Variants in ZFHX3 observed in about 807,000 individuals in gnomAD.
ZFHX3 encodes the protein zinc finger homeobox protein 3.
ZFHX3 carries 42 observed loss-of-function variants against 279.1 expected under a neutral mutation model. That is an observed-to-expected ratio of 0.15 (90% confidence interval 0.12 to 0.19). ZFHX3 has a LOEUF of 0.19. ZFHX3 is among the 10% of genes least tolerant of loss of function. The pLI, the probability that ZFHX3 is intolerant of heterozygous loss-of-function variation, is 1.00. For synonymous variants in ZFHX3, 2,293 were observed against 1,957.8 expected (o/e 1.17, Z -4.52); for missense variants, 4,981 against 4,754.0 (o/e 1.05, Z -1.40).
intron 3 of ZFHX3, among the ~76,000 whole-genome samples, chr16:72,930,364 C>A (rs1959718216): frequency 6.6e-6 from 1 of 151,988 alleles, no homozygotes; most frequent in African/African-American, 2.4e-5. Flanking sequence ...ACCTAAAAAT[C>A]TTTGCCAAAC....
At chr16:73,848,412 G>T (rs991522721) in intron 1 of ZFHX3, among the ~76,000 whole-genome samples, 1 of 148,698 alleles carries the variant, frequency 6.7e-6, no homozygotes, top group African/African-American at 2.6e-5. Context: ...AGCAAGAGCT[G>T]GTGAGTCCTT....
rs564499442 is a variant in ZFHX3 at position 73,332,368 on chromosome 16, A to G, written c.-1290-14032T>C. ...GATTAAATCATTTACATGACAGTGT[A>G]GGGGCCTGAGCTGCCCTTTCCTCCT... On this transcript the variant is annotated intron_variant, in intron 3 of 17. Coordinates refer to the ZFHX3 transcript ENST00000641206. Among the ~76,000 whole-genome samples, 3 of 152,322 alleles carry G rather than the reference A, an allele frequency of 2.0e-5. No homozygotes were observed. In the South Asian group the frequency reaches 6.2e-4, roughly 32 times the overall value.
intron 4 of ZFHX3, among the ~76,000 whole-genome samples, chr16:73,286,188 C>G (rs936572460): frequency 3.3e-5 from 5 of 152,126 alleles, no homozygotes; most frequent in Admixed American, 6.6e-5. Flanking sequence ...CACACACATG[C>G]CCCTCTCCCC....
intron 3 of ZFHX3, among the ~76,000 whole-genome samples, chr16:73,370,153 T>A (rs2143336877): frequency 6.6e-6 from 1 of 152,330 alleles, no homozygotes; most frequent in South Asian, 2.1e-4. Flanking sequence ...CACAGCAGCC[T>A]TTCTTTGGAA....
At chr16:72,853,314 C>G (rs529146227) in intron 4 of ZFHX3, among the ~76,000 whole-genome samples, 7 of 152,248 alleles carry the variant, frequency 4.6e-5, no homozygotes, top group South Asian at 2.1e-4. Context: ...CAAATCTTAT[C>G]AGAATTGAGC....
At chr16:73,288,306 T>C (rs1487547634) in intron 4 of ZFHX3, among the ~76,000 whole-genome samples, 4 of 151,948 alleles carry the variant, frequency 2.6e-5, no homozygotes, top group African/African-American at 9.7e-5. Context: ...AGGCTCCCAG[T>C]CCCAGACAGA....
intron 3 of ZFHX3, among the ~76,000 whole-genome samples, chr16:72,903,282 A>G (rs930083634): frequency 5.9e-5 from 9 of 152,178 alleles, no homozygotes; most frequent in African/African-American, 2.2e-4. Flanking sequence ...CTCCTCAACC[A>G]ACAGCAACAG....
chr16:73,589,207 C>A (rs1024868545), intron 2 of ZFHX3, among the ~76,000 whole-genome samples: 1 of 124,570 alleles, frequency 8.0e-6, no homozygotes, highest in African/African-American at 3.1e-5. Flanking sequence ...TTGCAGTGAG[C>A]TGAGATTGTG....
intron 3 of ZFHX3, among the ~76,000 whole-genome samples, chr16:73,415,495 G>C (rs1246575346): frequency 6.6e-6 from 1 of 152,158 alleles, no homozygotes; most frequent in Non-Finnish European, 1.5e-5. Flanking sequence ...GGGAGAAAAG[G>C]GCTGATTCAT....
intron 1 of ZFHX3, among the ~76,000 whole-genome samples, chr16:73,055,705 C>CACACACACACACACAT (rs1965538611): frequency 6.7e-6 from 1 of 150,024 alleles, no homozygotes; most frequent in African/African-American, 2.4e-5. Flanking sequence ...CGCGCACACA[C>CACACACACACACACAT]ACACACACAC....
chr16:72,953,949 A>C (rs906488792), intron 2 of ZFHX3, among the ~76,000 whole-genome samples: 13 of 151,620 alleles, frequency 8.6e-5, no homozygotes, highest in Non-Finnish European at 1.6e-4. Flanking sequence ...GCAAGTGAAA[A>C]CTCCCTTCGA....
intron 4 of ZFHX3, among the ~76,000 whole-genome samples, chr16:73,280,137 C>G (rs901644540): frequency 1.3e-5 from 2 of 152,122 alleles, no homozygotes; most frequent in Non-Finnish European, 2.9e-5. Flanking sequence ...GGATTAAAGA[C>G]TTAAATGTAA....
chr16:72,924,636 C>T (rs1959344726), intron 3 of ZFHX3, among the ~76,000 whole-genome samples: 1 of 152,130 alleles, frequency 6.6e-6, no homozygotes, highest in Admixed American at 6.6e-5. Flanking sequence ...AACTACGACA[C>T]CAGCCCTAAG....
intron 2 of ZFHX3, among the ~76,000 whole-genome samples, chr16:73,586,512 A>T (rs1290930162): frequency 6.6e-6 from 1 of 151,194 alleles, no homozygotes; most frequent in East Asian, 1.9e-4. Flanking sequence ...CTACAGCTAT[A>T]CTATTATTAT....
At chr16:72,991,960 A>C (rs529102717) in intron 1 of ZFHX3, among the ~76,000 whole-genome samples, 11 of 152,232 alleles carry the variant, frequency 7.2e-5, no homozygotes, top group African/African-American at 2.7e-4. Context: ...ATTTGTGGTT[A>C]TAACGGAGGA....
intron 1 of ZFHX3, among the ~76,000 whole-genome samples, chr16:73,687,346 G>A (rs1055830377): frequency 2.0e-5 from 3 of 150,298 alleles, no homozygotes; most frequent in Admixed American, 6.6e-5. Flanking sequence ...GAGCACCACC[G>A]CACACCAGCC....
In ZFHX3 at chr16:72,797,717, C is replaced by T. The variant is rs1167220647; in HGVS notation, c.4965G>A (p.Val1655=). 3.1e-6 allele frequency: 5 copies of T among 1,613,994 alleles called. No homozygotes were observed. Among genetic ancestry groups the T allele is most frequent in the African/African-American group, 2.7e-5 (2 of 74,896 alleles). The change falls in exon 9 of 10, where the codon GTG becomes GTA. Residue 1655 remains valine (V), a synonymous_variant. Transcript: ENST00000268489. ...ISLSSSTPSP[V]STSGSNTFTT... ...TAAAGGTGTTACTGCCACTGGTGCT[C>T]ACAGGACTTGGCGTGGAGGAGCTCA...
chr16:73,474,991 C>G (rs569579011), intron 2 of ZFHX3, among the ~76,000 whole-genome samples: 2 of 152,122 alleles, frequency 1.3e-5, no homozygotes, highest in South Asian at 4.2e-4. Flanking sequence ...ATGATGAGGT[C>G]ACTGGGCCAT....
At chr16:73,493,027 TG>T (rs1055950044) in intron 2 of ZFHX3, among the ~76,000 whole-genome samples, 1 of 152,220 alleles carries the variant, frequency 6.6e-6, no homozygotes, top group African/African-American at 2.4e-5. Flanking sequence ...AGAAATATTT[TG>T]CTCTATGTAT....
Sources: gnomAD v4.1 joint callset for allele counts (sites outside exome capture counted in the v4.1 genomes callset) on GRCh38, gnomAD v4.1.1 for gene constraint, MANE v1.5 for transcripts, NCBI Gene and HGNC (gene_info 2026-07-23, HGNC 2026-07-21) for gene names.